MLF1: variants seen among roughly 807,000 people sequenced by gnomAD.
MLF1 encodes the protein myeloid leukemia factor 1.
In MLF1, 37 loss-of-function variants were observed where a neutral mutation model predicts 38.3. The observed-to-expected ratio is 0.96, with a 90% CI of 0.74 to 1.27. The LOEUF (loss-of-function observed/expected upper bound fraction) is 1.27. Ranked by LOEUF, MLF1 falls within the 50% of genes most tolerant of loss-of-function variation. The pLI is 0.00. For synonymous variants in MLF1, 95 were observed against 106.5 expected (o/e 0.89, Z 0.66); for missense variants, 331 against 349.2 (o/e 0.95, Z 0.42).
Position 158,606,329 on chromosome 3 carries a change from T to C in MLF1, c.*1127T>C, listed in dbSNP as rs1432437205. On this transcript the variant is annotated 3_prime_UTR_variant, in exon 8 of 8. Coordinates refer to ENST00000466246, the MANE Select transcript of MLF1 (RefSeq NM_001369783.1). ...CTCTATAATCCTAAGTATTTTTCTT[T>C]TCAATTTTGTAAGTAAAATTATATG... 1.2e-5 allele frequency: 2 copies of C among 170,628 alleles called. No homozygotes were observed. The highest frequency in any genetic ancestry group is 1.3e-4 in the Admixed American group (2 of 15,696). The allele number at this position is 170,628 out of a possible 1,614,324, so 10.6% of individuals were successfully genotyped here. A position where few individuals can be genotyped will look rare whatever the true frequency, so the allele number is the denominator to read the frequency against.
Position 158,587,161 on chromosome 3 carries a change from A to G in MLF1, c.48-5273A>G, listed in dbSNP as rs180874024. On this transcript the variant is annotated intron_variant, in intron 1 of 7. Coordinates refer to ENST00000466246, the MANE Select transcript of MLF1 (RefSeq NM_001369783.1). ...TATACTAAATCAAAATTCTAGGTAT[A>G]TGTCTCAGGAATCTGTAATTTTAAT... is the stretch of plus-strand genomic sequence containing the variant. Among the ~76,000 whole-genome samples the G allele has an allele frequency of 3.9e-4, 59 of 152,338 alleles. No homozygotes were observed. In the East Asian group the frequency reaches 0.01, roughly 26 times the overall value.
At chr3:158,571,481 C>G in intron 1 of MLF1, 134 bp downstream of exon 1, 1 of 1,081,170 alleles carries the variant, frequency 9.2e-7, no homozygotes, top group Non-Finnish European at 1.4e-6. Flanking sequence ...TTGAAGGAGA[C>G]GAGGATTTGG....
intron 7 of MLF1, among the ~76,000 whole-genome samples, chr3:158,604,411 A>T (rs571291613): frequency 6.6e-6 from 1 of 152,306 alleles, no homozygotes; most frequent in African/African-American, 2.4e-5. Flanking sequence ...CTATATATCT[A>T]TTCTGTCCAG....
At chr3:158,573,162 T>C (rs1714814145) in intron 1 of MLF1, 1 of 151,670 alleles carries the variant, frequency 6.6e-6, no homozygotes, top group African/African-American at 2.4e-5. Context: ...GGGGAAGTTT[T>C]TAAAACAGCA....
intron 7 of MLF1, among the ~76,000 whole-genome samples, chr3:158,603,384 A>C (rs1720076174): frequency 6.6e-6 from 1 of 152,224 alleles, no homozygotes; most frequent in Admixed American, 6.5e-5. Flanking sequence ...TTTAATAGTA[A>C]ATTTCAGACA....
chr3:158,577,363 C>T (rs1715623635), intron 1 of MLF1, among the ~76,000 whole-genome samples: 2 of 152,178 alleles, frequency 1.3e-5, no homozygotes, highest in South Asian at 2.1e-4. Context: ...TTTAGACGTA[C>T]AGTCTGAGGT....
chr3:158,600,895 C>G (rs910596432), intron 6 of MLF1, among the ~76,000 whole-genome samples: 3 of 151,526 alleles, frequency 2.0e-5, no homozygotes, highest in Non-Finnish European at 2.9e-5. Flanking sequence ...CATTTACATC[C>G]TTCTAGTGTC....
chr3:158,593,886 T>C (rs541095113), intron 3 of MLF1, among the ~76,000 whole-genome samples: 1 of 152,200 alleles, frequency 6.6e-6, no homozygotes, highest in Non-Finnish European at 1.5e-5. Context: ...TTCTTAAGAA[T>C]GGCCACTCTG....
At chr3:158,571,441 G>A (rs771080766) in intron 1 of MLF1, 94 bp downstream of exon 1, 1 of 1,493,362 alleles carries the variant, frequency 6.7e-7, no homozygotes, top group Admixed American at 1.8e-5. Context: ...TAGAGGGCGA[G>A]AGAGAATTCG....
chr3:158,598,110 T>G lies in MLF1; in HGVS notation c.355T>G (p.Ser119Ala). ...GQLSVDPNGH[S>A]FCSSSVMTYS... Reference sequence around the variant, plus strand: ...ACTTTCAGTGGATCCAAATGGACATTCATTTTGTTCTTCCTCAGTTATGAC... The same window carrying G: ...ACTTTCAGTGGATCCAAATGGACATGCATTTTGTTCTTCCTCAGTTATGAC... Residue 119 changes from serine (S) to alanine (A), a missense_variant, in exon 5 of 8, where the codon TCA (serine) becomes GCA (alanine). Physicochemically the swap from Ser to Ala is moderately conservative, Grantham distance 99. Transcript: ENST00000466246. 6.2e-7 allele frequency: 1 copy of G among 1,613,552 alleles called. No individual in the cohort carries two copies. The highest frequency in any genetic ancestry group is 1.1e-5 in the South Asian group (1 of 90,894).
At chr3:158,602,434 G>GCTAA (rs1194398135) in intron 6 of MLF1, among the ~76,000 whole-genome samples, 3 of 152,138 alleles carry the variant, frequency 2.0e-5, no homozygotes, top group Admixed American at 6.5e-5. Context: ...AAGATGGTTA[G>GCTAA]GTGAATAGAA....
At chr3:158,585,055 A>T (rs1464311727) in intron 1 of MLF1, among the ~76,000 whole-genome samples, 1 of 132,484 alleles carries the variant, frequency 7.5e-6, no homozygotes, top group Non-Finnish European at 1.6e-5. Context: ...AAAAAAAAAA[A>T]GAAAAAGAAA....
At chr3:158,600,300 G>A (rs534617717) in intron 6 of MLF1, 127 bp downstream of exon 6, 53 of 453,302 alleles carry the variant, frequency 1.2e-4, no homozygotes, top group Non-Finnish European at 1.6e-4. Context: ...AGAATACCTT[G>A]TGAAAGTAAT....
chr3:158,603,783 G>C (rs555953437), intron 7 of MLF1, among the ~76,000 whole-genome samples: 2 of 152,256 alleles, frequency 1.3e-5, no homozygotes, highest in South Asian at 4.1e-4. Context: ...AGGTTGTGGT[G>C]AGCCAAAATC....
At chr3:158,579,004 T>C (rs1361856127) in intron 1 of MLF1, among the ~76,000 whole-genome samples, 2 of 152,172 alleles carry the variant, frequency 1.3e-5, no homozygotes, top group Non-Finnish European at 2.9e-5. Context: ...AGCATGACTT[T>C]AGAGTCTGCA....
At position 158,606,445 on chromosome 3, in the gene MLF1, C is replaced by G. The variant is rs1412551477; in HGVS notation, c.*1243C>G. Reference sequence around the variant, plus strand: ...TGCCTTTAGTCATTAAAATAAAATGCAAATGTGTTAATTCATTGTTGAAAT... The same window carrying G: ...TGCCTTTAGTCATTAAAATAAAATGGAAATGTGTTAATTCATTGTTGAAAT... On this transcript the variant is annotated 3_prime_UTR_variant, in exon 8 of 8. Transcript: ENST00000466246. 1 of 156,832 alleles carries G rather than the reference C, an allele frequency of 6.4e-6. No individual in the cohort carries two copies. The highest frequency in any genetic ancestry group is 2.4e-5 in the African/African-American group (1 of 41,542). The allele number at this position is 156,832 out of a possible 1,614,324, so 9.7% of individuals were successfully genotyped here.
intron 6 of MLF1, among the ~76,000 whole-genome samples, chr3:158,601,335 C>G (rs1218711037): frequency 6.6e-6 from 1 of 151,860 alleles, no homozygotes; most frequent in Non-Finnish European, 1.5e-5. Flanking sequence ...TTTGGGAGGC[C>G]AAGGCGGGCA....
intron 5 of MLF1, 91 bp downstream of exon 5, chr3:158,598,299 G>T: frequency 4.6e-5 from 48 of 1,039,448 alleles, no homozygotes; most frequent in East Asian, 6.4e-5. Context: ...ATTTAATCTG[G>T]TACAAGATGG....
intron 1 of MLF1, among the ~76,000 whole-genome samples, chr3:158,590,501 C>T (rs1717960839): frequency 6.6e-6 from 1 of 152,108 alleles, no homozygotes; most frequent in Non-Finnish European, 1.5e-5. Context: ...TCATAATAGC[C>T]AAAAACTAAA....
Sources: gnomAD v4.1 joint callset for allele counts (sites outside exome capture counted in the v4.1 genomes callset) on GRCh38, gnomAD v4.1.1 for gene constraint, MANE v1.5 for transcripts, NCBI Gene and HGNC (gene_info 2026-07-23, HGNC 2026-07-21) for gene names.